PPM1E: variants seen among roughly 807,000 people sequenced by gnomAD.
PPM1E encodes the protein protein phosphatase 1E.
A neutral mutation model predicts 65.9 loss-of-function variants in PPM1E; 20 were observed. The observed-to-expected ratio is 0.30, with a 90% CI of 0.21 to 0.44. PPM1E has a LOEUF of 0.44. Among genes scored for constraint, PPM1E ranks in the 20% least tolerant of loss-of-function variants. The pLI, the probability that PPM1E is intolerant of heterozygous loss-of-function variation, is 1.00. For synonymous variants in PPM1E, 352 were observed against 374.9 expected (o/e 0.94, Z 0.70); for missense variants, 713 against 953.1 (o/e 0.75, Z 3.32).
At chr17:58,936,086 A>C (rs988423000) in intron 1 of PPM1E, among the ~76,000 whole-genome samples, 1 of 151,862 alleles carries the variant, frequency 6.6e-6, no homozygotes, top group Non-Finnish European at 1.5e-5. Flanking sequence ...TACATTATTT[A>C]GTTGTAGAAA....
intron 1 of PPM1E, among the ~76,000 whole-genome samples, chr17:58,773,694 A>G (rs1300880377): frequency 1.3e-5 from 2 of 152,194 alleles, no homozygotes; most frequent in Non-Finnish European, 2.9e-5. Context: ...GAATTAAAAC[A>G]TAGCACATAT....
intron 1 of PPM1E, among the ~76,000 whole-genome samples, chr17:58,939,576 T>C (rs2052035470): frequency 6.6e-6 from 1 of 152,186 alleles, no homozygotes; most frequent in African/African-American, 2.4e-5. Flanking sequence ...TGAACATAAA[T>C]AGCCTTAATG....
chr17:58,805,775 G>A (rs933310833), intron 1 of PPM1E, among the ~76,000 whole-genome samples: 4 of 151,372 alleles, frequency 2.6e-5, no homozygotes, highest in African/African-American at 9.7e-5. Context: ...GATCATCAAG[G>A]ATCTGGAAAT....
chr17:58,776,054 AGGCCAGACATGGT>A (rs1237137028), intron 1 of PPM1E, among the ~76,000 whole-genome samples: 1 of 151,670 alleles, frequency 6.6e-6, no homozygotes, highest in Non-Finnish European at 1.5e-5. Flanking sequence ...TAAAAAATAA[AGGCCAGACATGGT>A]GGCTCACGCA....
chr17:58,833,147 C>T (rs2050621504), intron 1 of PPM1E, among the ~76,000 whole-genome samples: 1 of 151,736 alleles, frequency 6.6e-6, no homozygotes, highest in African/African-American at 2.4e-5. Flanking sequence ...GTATGTAGTT[C>T]TACAGGATTT....
intron 1 of PPM1E, among the ~76,000 whole-genome samples, chr17:58,787,861 C>A (rs1395226246): frequency 6.8e-6 from 1 of 146,694 alleles, no homozygotes; most frequent in Non-Finnish European, 1.5e-5. Flanking sequence ...GAGCCGAGAT[C>A]GCACCACTGC....
At chr17:58,807,551 A>G (rs1053295386) in intron 1 of PPM1E, among the ~76,000 whole-genome samples, 1 of 152,194 alleles carries the variant, frequency 6.6e-6, no homozygotes. Context: ...CCATTGAATT[A>G]TATACTTTAA....
At chr17:58,799,266 A>T (rs34430710) in intron 1 of PPM1E, among the ~76,000 whole-genome samples, 37,043 of 151,688 alleles carry the variant, frequency 0.24, 5,251 homozygotes, top group Middle Eastern at 0.42. Context: ...TGTCTTAATT[A>T]GTGTAATTTC....
intron 2 of PPM1E, among the ~76,000 whole-genome samples, chr17:58,958,072 G>C (rs942853412): frequency 6.6e-6 from 1 of 152,176 alleles, no homozygotes; most frequent in African/African-American, 2.4e-5. Context: ...GAGCCCAGGA[G>C]TTCAAGGTTA....
At chr17:58,921,806 C>T (rs1189420845) in intron 1 of PPM1E, among the ~76,000 whole-genome samples, 3 of 150,652 alleles carry the variant, frequency 2.0e-5, no homozygotes, top group Admixed American at 6.6e-5. Flanking sequence ...TTTGGGAGGC[C>T]GAGGTGGGTG....
intron 1 of PPM1E, among the ~76,000 whole-genome samples, chr17:58,940,815 A>G (rs1181946365): frequency 1.3e-5 from 2 of 152,128 alleles, no homozygotes; most frequent in African/African-American, 2.4e-5. Context: ...GGTTCAAGCA[A>G]TTCTCATGCT....
At chr17:58,972,066 C>T (rs1324280715) in intron 4 of PPM1E, 66 bp from the exon 5 acceptor site, 7 of 1,460,682 alleles carry the variant, frequency 4.8e-6, no homozygotes, top group Admixed American at 2.1e-5. Flanking sequence ...TTATAAATTG[C>T]TTCTCAATAA....
chr17:58,975,505 G>A (rs757668545), intron 6 of PPM1E, among the ~76,000 whole-genome samples: 3 of 152,184 alleles, frequency 2.0e-5, no homozygotes, highest in Non-Finnish European at 2.9e-5. Flanking sequence ...ATCTAAGAGT[G>A]GATAAGGGAG....
intron 1 of PPM1E, among the ~76,000 whole-genome samples, chr17:58,779,314 G>A (rs2050029450): frequency 6.6e-6 from 1 of 151,426 alleles, no homozygotes; most frequent in Admixed American, 6.6e-5. Context: ...TGGGATTATA[G>A]GCATGCACCA....
chr17:58,761,492 C>T (rs1271821776), intron 1 of PPM1E, among the ~76,000 whole-genome samples: 2 of 152,206 alleles, frequency 1.3e-5, no homozygotes, highest in Non-Finnish European at 2.9e-5. Flanking sequence ...CATCCCAGCT[C>T]TACCCCTCCA....
chr17:58,765,337 C>T (rs2049863454), intron 1 of PPM1E, among the ~76,000 whole-genome samples: 2 of 151,954 alleles, frequency 1.3e-5, no homozygotes. Flanking sequence ...ATCACCATGC[C>T]CAGCTAATTT....
intron 1 of PPM1E, among the ~76,000 whole-genome samples, chr17:58,831,402 A>G (rs2050605036): frequency 6.6e-6 from 1 of 152,234 alleles, no homozygotes; most frequent in Non-Finnish European, 1.5e-5. Flanking sequence ...CTTTTCACAT[A>G]GTATTCTTAA....
chr17:58,759,158 A>G (rs910955606), intron 1 of PPM1E, among the ~76,000 whole-genome samples: 1 of 152,150 alleles, frequency 6.6e-6, no homozygotes, highest in African/African-American at 2.4e-5. Flanking sequence ...AGTCCCAGCT[A>G]CTTGGGAGGC....
At chr17:58,762,855 G>A (rs1434807562) in intron 1 of PPM1E, among the ~76,000 whole-genome samples, 4 of 145,504 alleles carry the variant, frequency 2.7e-5, no homozygotes, top group East Asian at 2.0e-4. Flanking sequence ...CCGAGATCCC[G>A]CCACTGCACT....
Sources: allele counts gnomAD v4.1 joint callset (sites outside exome capture counted in the v4.1 genomes callset), GRCh38; gene constraint gnomAD v4.1.1; transcripts MANE v1.5; gene names NCBI Gene and HGNC (gene_info 2026-07-23, HGNC 2026-07-21).